TAFA1: variants seen among roughly 807,000 people sequenced by gnomAD.
TAFA1 encodes the protein TAFA chemokine like family member 1, also known as chemokine-like protein TAFA-1.
A neutral mutation model predicts 18.5 loss-of-function variants in TAFA1; 4 were observed. The ratio of observed to expected loss-of-function variants is 0.22; its 90% confidence interval spans 0.11 to 0.49. The LOEUF (loss-of-function observed/expected upper bound fraction) is 0.49, where lower values mean the gene tolerates loss of function less well. Ranked by LOEUF, TAFA1 falls within the 20% of genes least tolerant of loss-of-function variation. TAFA1 has a pLI of 0.98. For missense variants in TAFA1, 147 were observed against 169.0 expected, an observed-to-expected ratio of 0.87 and a Z score of 0.72; for synonymous variants, 56 against 55.2, an observed-to-expected ratio of 1.01 and a Z score of -0.06.
At chr3:68,211,767 G>A (rs1243733575) in intron 2 of TAFA1, among the ~76,000 whole-genome samples, 5 of 152,024 alleles carry the variant, frequency 3.3e-5, no homozygotes, top group African/African-American at 1.2e-4. Context: ...AGAGAGGTGA[G>A]GCAAGAGAGA....
At chr3:68,316,120 A>G (rs2068601462) in intron 2 of TAFA1, among the ~76,000 whole-genome samples, 1 of 152,194 alleles carries the variant, frequency 6.6e-6, no homozygotes, top group South Asian at 2.1e-4. Context: ...TAAATGAGGG[A>G]TTCACTGGCC....
chr3:68,341,823 G>A (rs1367598561), intron 2 of TAFA1, among the ~76,000 whole-genome samples: 1 of 152,214 alleles, frequency 6.6e-6, no homozygotes, highest in Non-Finnish European at 1.5e-5. Flanking sequence ...GTTAGAGATA[G>A]AGGACCACAG....
chr3:68,233,481 T>C (rs1272771184), intron 2 of TAFA1, among the ~76,000 whole-genome samples: 3 of 152,330 alleles, frequency 2.0e-5, no homozygotes, highest in Non-Finnish European at 4.4e-5. Flanking sequence ...TTCTATTTCA[T>C]TGGCCTATGT....
intron 3 of TAFA1, among the ~76,000 whole-genome samples, chr3:68,420,111 C>T (rs17047670): frequency 0.015 from 2,289 of 152,280 alleles, 65 homozygotes; most frequent in South Asian, 0.048. Flanking sequence ...GACTCAGTTT[C>T]TGTGTCTTAA....
chr3:68,344,673 T>C (rs2069136700), intron 2 of TAFA1, among the ~76,000 whole-genome samples: 1 of 152,168 alleles, frequency 6.6e-6, no homozygotes, highest in Non-Finnish European at 1.5e-5. Flanking sequence ...TTCTCTGTGT[T>C]TTAGGGTTTT....
chr3:68,225,159 C>T (rs777495120), intron 2 of TAFA1, among the ~76,000 whole-genome samples: 28 of 151,936 alleles, frequency 1.8e-4, no homozygotes, highest in South Asian at 4.2e-4. Flanking sequence ...CCACCTGCCT[C>T]GGCCTCTCAA....
intron 2 of TAFA1, among the ~76,000 whole-genome samples, chr3:68,192,167 G>T (rs1559553711): frequency 6.6e-6 from 1 of 151,808 alleles, no homozygotes; most frequent in Non-Finnish European, 1.5e-5. Context: ...AGATCCAGGT[G>T]CTGTAAGGGA....
chr3:68,134,736 G>A (rs1353944138), intron 2 of TAFA1, among the ~76,000 whole-genome samples: 1 of 152,134 alleles, frequency 6.6e-6, no homozygotes, highest in Non-Finnish European at 1.5e-5. Context: ...CTAGATGCTG[G>A]GGAGATATTA....
rs184308740 is a variant in TAFA1, at chr3:68,007,211, G to C, written c.118+467G>C. On this transcript the variant is annotated intron_variant, in intron 2 of 4. Transcript: ENST00000478136. ...CTTACTATTTCTTGCCTGGTTTAAT[G>C]TGCCTTCTTTCCTTTCTCCCTTCCT... Among the ~76,000 whole-genome samples the C allele has an allele frequency of 1.4e-4, 22 of 152,284 alleles. No individual in the cohort carries two copies. The East Asian group carries it at 4.2e-3, about 29-fold the overall frequency.
chr3:68,538,900 A>G lies in TAFA1; in HGVS notation c.384+20A>G. ...ACGAGAGTAAGTGCACTTATTTCAA[A>G]TGTATTTTGGATGTTACAGACTGTA... On this transcript the variant is annotated intron_variant, in intron 4 of 4. Coordinates refer to ENST00000478136, the MANE Select transcript of TAFA1 (RefSeq NM_213609.4). 1 of 1,612,448 alleles carries G rather than the reference A, an allele frequency of 6.2e-7. No homozygotes were observed. Among genetic ancestry groups the G allele is most frequent in the Non-Finnish European group, 8.5e-7 (1 of 1,178,962 alleles).
intron 2 of TAFA1, among the ~76,000 whole-genome samples, chr3:68,085,844 A>G (rs1267932846): frequency 2.0e-4 from 31 of 152,132 alleles, no homozygotes; most frequent in Non-Finnish European, 1.5e-5. Flanking sequence ...CATTTCCCCA[A>G]ATCTCTTTCC....
chr3:68,133,246 A>G (rs1330833881), intron 2 of TAFA1, among the ~76,000 whole-genome samples: 2 of 152,162 alleles, frequency 1.3e-5, no homozygotes, highest in Non-Finnish European at 2.9e-5. Flanking sequence ...TGGTACCGGT[A>G]CCATGCTGTT....
intron 2 of TAFA1, among the ~76,000 whole-genome samples, chr3:68,026,650 G>C (rs1704823068): frequency 6.6e-6 from 1 of 152,062 alleles, no homozygotes; most frequent in African/African-American, 2.4e-5. Flanking sequence ...GAAACTCAAA[G>C]TAAATTTCCC....
At chr3:68,216,898 C>T (rs1177084991) in intron 2 of TAFA1, among the ~76,000 whole-genome samples, 3 of 152,050 alleles carry the variant, frequency 2.0e-5, no homozygotes, top group Non-Finnish European at 4.4e-5. Flanking sequence ...TATCCATTGG[C>T]TTTACTGATA....
intron 2 of TAFA1, among the ~76,000 whole-genome samples, chr3:68,414,729 C>T (rs2070778656): frequency 6.6e-6 from 1 of 152,140 alleles, no homozygotes; most frequent in Non-Finnish European, 1.5e-5. Flanking sequence ...ACCTTCAGTG[C>T]CCACCTTGTT....
At chr3:68,205,305 C>T (rs2066513209) in intron 2 of TAFA1, among the ~76,000 whole-genome samples, 1 of 151,784 alleles carries the variant, frequency 6.6e-6, no homozygotes, top group South Asian at 2.1e-4. Context: ...ATTTCAGAAC[C>T]CCTCTTAACA....
At chr3:68,368,978 T>G (rs1459311231) in intron 2 of TAFA1, among the ~76,000 whole-genome samples, 1 of 152,238 alleles carries the variant, frequency 6.6e-6, no homozygotes, top group Non-Finnish European at 1.5e-5. Flanking sequence ...AACATAAAAT[T>G]TATTATGTAG....
chr3:68,422,613 A>T (rs2070976084), intron 3 of TAFA1, among the ~76,000 whole-genome samples: 1 of 152,068 alleles, frequency 6.6e-6, no homozygotes, highest in South Asian at 2.1e-4. Flanking sequence ...GTGGGGTAAA[A>T]CCTTAGCAGC....
rs750526507 is a variant in TAFA1 at position 68,461,369 on chromosome 3, ATATATATATATG to A, written c.259+43953_259+43964del. ...CAGGCCAATGAAAGTGCATATATAT[ATATATATATATG>A]TATGTATGTATATATCCATCCCATC... On this transcript the variant is annotated intron_variant, in intron 3 of 4. Coordinates refer to ENST00000478136, the MANE Select transcript of TAFA1 (RefSeq NM_213609.4). 5.7e-4 allele frequency among the ~76,000 whole-genome samples: 80 copies of A among 140,752 alleles called. 2 individuals carry two copies. Among genetic ancestry groups the A allele is most frequent in the Middle Eastern group, 3.5e-3 (1 of 282 alleles). The allele number at this position is 140,752 out of a possible 152,430, so 92.3% of individuals were successfully genotyped here. A position where few individuals can be genotyped will look rare whatever the true frequency, so the allele number is the denominator to read the frequency against.
Sources: gnomAD v4.1 joint callset for allele counts (sites outside exome capture counted in the v4.1 genomes callset) on GRCh38, gnomAD v4.1.1 for gene constraint, MANE v1.5 for transcripts, NCBI Gene and HGNC (gene_info 2026-07-23, HGNC 2026-07-21) for gene names.